Variants in SGCD observed in about 807,000 individuals in gnomAD.
The protein encoded by SGCD is delta-sarcoglycan.
Under a neutral mutation model 36.6 loss-of-function variants are expected in SGCD, and 18 were observed. That is an observed-to-expected ratio of 0.49 (90% CI 0.34 to 0.73). The LOEUF (loss-of-function observed/expected upper bound fraction) is 0.73. Among genes scored for constraint, SGCD ranks in the 30% least tolerant of loss-of-function variants. SGCD has a pLI of 0.01. For synonymous variants in SGCD, 133 were observed against 130.6 expected (o/e 1.02, Z -0.12); for missense variants, 387 against 346.7 (o/e 1.12, Z -0.92).
At chr5:156,513,386 C>A (rs189823041) in intron 4 of SGCD, among the ~76,000 whole-genome samples, 46 of 152,294 alleles carry the variant, frequency 3.0e-4, no homozygotes, top group African/African-American at 1.0e-3. Flanking sequence ...TTATCTTCAG[C>A]TTACTGGTCG....
the SGCD span, among the ~76,000 whole-genome samples, chr5:155,777,360 GTT>G: frequency 3.1e-3 from 435 of 139,970 alleles, no homozygotes; most frequent in African/African-American, 9.5e-3. Flanking sequence ...TAGTTTTTTT[GTT>G]TTTTTTTTTT....
chr5:156,591,289 T>G (rs910066658), intron 5 of SGCD, among the ~76,000 whole-genome samples: 9 of 152,226 alleles, frequency 5.9e-5, no homozygotes, highest in Non-Finnish European at 1.3e-4. Context: ...ACCTAAAGAA[T>G]GTCTCAAAAA....
intron 1 of SGCD, among the ~76,000 whole-genome samples, chr5:156,096,311 C>T (rs2127595574): frequency 6.6e-6 from 1 of 152,306 alleles, no homozygotes; most frequent in East Asian, 1.9e-4. Context: ...CTGCTACTTA[C>T]AATGACAAAT....
At chr5:156,629,141 A>C (rs1762538596) in intron 6 of SGCD, among the ~76,000 whole-genome samples, 1 of 152,218 alleles carries the variant, frequency 6.6e-6, no homozygotes. Flanking sequence ...AGTATAGGTA[A>C]AGTGATTGGC....
chr5:156,732,344 C>T (rs545430145), intron 7 of SGCD, among the ~76,000 whole-genome samples: 3 of 152,258 alleles, frequency 2.0e-5, no homozygotes, highest in African/African-American at 7.2e-5. Flanking sequence ...GCCTTTTCTG[C>T]ATCTATTGAG....
At chr5:156,173,176 G>A (rs532904563) in intron 3 of SGCD, among the ~76,000 whole-genome samples, 82 of 152,148 alleles carry the variant, frequency 5.4e-4, no homozygotes, top group African/African-American at 1.9e-3. Flanking sequence ...AAGAAATTTA[G>A]CTAATGTGAA....
chr5:156,273,497 T>C (rs1254873476), intron 3 of SGCD, among the ~76,000 whole-genome samples: 1 of 152,182 alleles, frequency 6.6e-6, no homozygotes, highest in Non-Finnish European at 1.5e-5. Flanking sequence ...AGAGCAGTCT[T>C]ACTGGCATAA....
At chr5:156,215,436 A>G (rs1764545843) in intron 3 of SGCD, among the ~76,000 whole-genome samples, 1 of 152,108 alleles carries the variant, frequency 6.6e-6, no homozygotes. Flanking sequence ...TACATCTCAT[A>G]AGGGATTAAT....
chr5:155,829,410 T>C, the SGCD span, among the ~76,000 whole-genome samples: 1 of 152,250 alleles, frequency 6.6e-6, no homozygotes, highest in East Asian at 1.9e-4. Flanking sequence ...TAATAATGCC[T>C]TGAAAATAGC....
chr5:156,100,719 G>C (rs947655086), intron 1 of SGCD, among the ~76,000 whole-genome samples: 2 of 152,104 alleles, frequency 1.3e-5, no homozygotes, highest in Admixed American at 1.3e-4. Context: ...ACCTGTAATG[G>C]GTGAAGGAAG....
At chr5:156,335,092 A>G (rs1394682436) in intron 2 of SGCD, among the ~76,000 whole-genome samples, 3 of 152,164 alleles carry the variant, frequency 2.0e-5, no homozygotes, top group Non-Finnish European at 4.4e-5. Flanking sequence ...TCGATCTCCC[A>G]TAGTGTTGCA....
At chr5:155,769,804 A>G in the SGCD span, among the ~76,000 whole-genome samples, 68 of 152,164 alleles carry the variant, frequency 4.5e-4, no homozygotes, top group African/African-American at 1.6e-3. Flanking sequence ...ATACATTTGT[A>G]CTCACGGCAC....
chr5:155,788,891 C>A, the SGCD span, among the ~76,000 whole-genome samples: 1 of 152,002 alleles, frequency 6.6e-6, no homozygotes, highest in South Asian at 2.1e-4. Flanking sequence ...ATAGTTCAGG[C>A]CAAGAGAACA....
intron 3 of SGCD, among the ~76,000 whole-genome samples, chr5:156,194,966 A>G (rs1763988134): frequency 6.6e-6 from 1 of 152,178 alleles, no homozygotes; most frequent in Admixed American, 6.6e-5. Context: ...ATTGGTGATG[A>G]TGATGATGAT....
chr5:156,089,255 T>C (rs547241896), intron 1 of SGCD, among the ~76,000 whole-genome samples: 1 of 152,332 alleles, frequency 6.6e-6, no homozygotes, highest in Non-Finnish European at 1.5e-5. Context: ...CTACTCTGAT[T>C]TGGAGCAAGG....
intron 3 of SGCD, among the ~76,000 whole-genome samples, chr5:156,305,250 G>A (rs748330708): frequency 6.6e-6 from 1 of 152,158 alleles, no homozygotes; most frequent in Non-Finnish European, 1.5e-5. Flanking sequence ...GGAGGAAAAA[G>A]TAGTTTCATG....
intron 3 of SGCD, among the ~76,000 whole-genome samples, chr5:156,403,643 G>A (rs1180587772): frequency 6.6e-6 from 1 of 151,996 alleles, no homozygotes; most frequent in East Asian, 1.9e-4. Context: ...CTAGAATTGG[G>A]GTCCCTCATG....
At chr5:156,750,477 A>G (rs1165583621) in intron 7 of SGCD, among the ~76,000 whole-genome samples, 1 of 152,086 alleles carries the variant, frequency 6.6e-6, no homozygotes, top group Non-Finnish European at 1.5e-5. Context: ...CTTGAGTTCA[A>G]GATCAGGCTG....
chr5:156,252,413 G>A (rs1418530029), intron 3 of SGCD, among the ~76,000 whole-genome samples: 1 of 152,126 alleles, frequency 6.6e-6, no homozygotes, highest in Non-Finnish European at 1.5e-5. Flanking sequence ...TGAATATGTG[G>A]AATGGAAGTA....
Sources: allele counts gnomAD v4.1 joint callset (sites outside exome capture counted in the v4.1 genomes callset), GRCh38; gene constraint gnomAD v4.1.1; transcripts MANE v1.5; gene names NCBI Gene and HGNC (gene_info 2026-07-23, HGNC 2026-07-21).